The following PDE12 variants were observed in gnomAD, a reference collection of about 807,000 sequenced individuals.
PDE12 encodes phosphodiesterase 12.
PDE12 carries 26 observed loss-of-function variants against 45.4 expected under a neutral mutation model. The ratio of observed to expected loss-of-function variants is 0.57; its 90% CI spans 0.42 to 0.79. The LOEUF is 0.79. Ranked by LOEUF, PDE12 falls within the 30% of genes least tolerant of loss-of-function variation. The pLI is 0.00. For synonymous variants in PDE12, 283 were observed against 323.9 expected (o/e 0.87, Z 1.36); for missense variants, 668 against 790.0 (o/e 0.85, Z 1.85).
chr3:57,559,403 G>A lies in PDE12; in HGVS notation c.1387+15G>A. 1 of 1,598,334 alleles carries A rather than the reference G, an allele frequency of 6.3e-7. No individual in the cohort carries two copies. The highest frequency in any genetic ancestry group is 8.6e-7 in the Non-Finnish European group (1 of 1,166,626). ...GCATCCTAAAGGTAGGTTTTATTTG[G>A]TATCACAAGTGACTTAAACACGCTT... is the stretch of plus-strand genomic sequence containing the variant. On this transcript the variant is annotated intron_variant, in intron 2 of 2. Transcript: ENST00000311180.
chr3:57,611,806 C>T, the PDE12 span, among the ~76,000 whole-genome samples: 1 of 152,158 alleles, frequency 6.6e-6, no homozygotes, highest in African/African-American at 2.4e-5. Flanking sequence ...ACTAGTTCAA[C>T]CATTGTGGAA....
chr3:57,654,233 G>C, the PDE12 span, among the ~76,000 whole-genome samples: 1 of 152,008 alleles, frequency 6.6e-6, no homozygotes, highest in African/African-American at 2.4e-5. Context: ...GGGATTACAG[G>C]TGTGAGCCAC....
At chr3:57,654,907 C>A in the PDE12 span, 3 of 595,684 alleles carry the variant, frequency 5.0e-6, no homozygotes, top group Non-Finnish European at 6.3e-6. Flanking sequence ...GTAAGCTCTA[C>A]AGAAACAAAA....
chr3:57,583,353 C>G, the PDE12 span, among the ~76,000 whole-genome samples: 1 of 152,026 alleles, frequency 6.6e-6, no homozygotes, highest in Non-Finnish European at 1.5e-5. Context: ...TTCAAAGGTC[C>G]CCATGTGATT....
the PDE12 span, chr3:57,641,831 T>C: frequency 3.6e-6 from 4 of 1,105,954 alleles, no homozygotes. Flanking sequence ...ACTTTTTTTT[T>C]CAATGAACAA....
chr3:57,612,200 T>A, the PDE12 span, among the ~76,000 whole-genome samples: 31 of 132,062 alleles, frequency 2.3e-4, no homozygotes, highest in Non-Finnish European at 2.6e-4. Flanking sequence ...ATGAGAACAT[T>A]TGGACACAGG....
the PDE12 span, chr3:57,575,634 A>AAG: frequency 6.2e-7 from 1 of 1,613,542 alleles, no homozygotes; most frequent in Non-Finnish European, 8.5e-7. Context: ...TTGTTTGCAA[A>AAG]AAGTAGCAGC....
the PDE12 span, chr3:57,626,996 T>A: frequency 6.6e-6 from 1 of 152,064 alleles, no homozygotes; most frequent in African/African-American, 2.4e-5. Context: ...CAAATAAGTA[T>A]CACATAAAAA....
the PDE12 span, among the ~76,000 whole-genome samples, chr3:57,614,543 T>G: frequency 7.4e-5 from 9 of 122,208 alleles, no homozygotes; most frequent in East Asian, 2.6e-3. Flanking sequence ...TTTTGTTTTT[T>G]GTTTTTTTTT....
the PDE12 span, among the ~76,000 whole-genome samples, chr3:57,636,646 T>G: frequency 1.8e-4 from 27 of 152,090 alleles, no homozygotes; most frequent in East Asian, 3.3e-3. Flanking sequence ...GTAAGAGAGA[T>G]AAAAAGTTGG....
At chr3:57,628,492 G>T in the PDE12 span, 1 of 1,173,034 alleles carries the variant, frequency 8.5e-7, no homozygotes, top group South Asian at 1.8e-5. Flanking sequence ...AAAGCAAGGA[G>T]CATTCTATTT....
At chr3:57,636,707 C>T in the PDE12 span, among the ~76,000 whole-genome samples, 5 of 152,016 alleles carry the variant, frequency 3.3e-5, no homozygotes, top group Non-Finnish European at 7.4e-5. Flanking sequence ...AAAGCTGAGG[C>T]GGGTGGATCA....
the PDE12 span, among the ~76,000 whole-genome samples, chr3:57,629,043 A>T: frequency 3.3e-5 from 5 of 152,052 alleles, no homozygotes; most frequent in African/African-American, 1.2e-4. Context: ...TAATTCTCAT[A>T]ATATTCTAAT....
At chr3:57,637,804 AC>A in the PDE12 span, among the ~76,000 whole-genome samples, 2 of 61,776 alleles carry the variant, frequency 3.2e-5, no homozygotes, top group Non-Finnish European at 9.1e-5. Flanking sequence ...ACAGAAGAAA[AC>A]AAAAAAAATA....
the PDE12 span, chr3:57,654,707 G>A: frequency 2.0e-3 from 1,942 of 984,716 alleles, 16 homozygotes; most frequent in African/African-American, 0.032. Context: ...AACCAAAGGC[G>A]TGGTCCATGG....
the PDE12 span, among the ~76,000 whole-genome samples, chr3:57,634,981 T>C: frequency 2.6e-5 from 4 of 152,198 alleles, no homozygotes; most frequent in African/African-American, 7.2e-5. Flanking sequence ...AAATAATTCA[T>C]GTAAATTATA....
chr3:57,568,358 G>A (rs2069805073), downstream of PDE12, among the ~76,000 whole-genome samples: 1 of 152,050 alleles, frequency 6.6e-6, no homozygotes, highest in African/African-American at 2.4e-5. Flanking sequence ...GGGAGGCTGA[G>A]GTGGGAGGAT....
At chr3:57,607,253 A>G in the PDE12 span, among the ~76,000 whole-genome samples, 4 of 152,286 alleles carry the variant, frequency 2.6e-5, no homozygotes, top group African/African-American at 9.6e-5. Flanking sequence ...CATCACCATC[A>G]TCAAAGACCA....
the PDE12 span, chr3:57,630,922 T>C: frequency 6.2e-7 from 1 of 1,613,572 alleles, no homozygotes; most frequent in Non-Finnish European, 8.5e-7. Context: ...AATATATTCA[T>C]ACCTTCCATG....
Sources: allele counts gnomAD v4.1 joint callset (sites outside exome capture counted in the v4.1 genomes callset), GRCh38; gene constraint gnomAD v4.1.1; transcripts MANE v1.5; gene names NCBI Gene and HGNC (gene_info 2026-07-23, HGNC 2026-07-21).